The following MAP3K10 variants were observed in gnomAD, a reference collection of about 807,000 sequenced individuals.
The protein encoded by MAP3K10 is mitogen-activated protein kinase kinase kinase 10, also known as MKN28 derived nonreceptor_type serine/threonine kinase.
In MAP3K10, 22 loss-of-function variants were observed where a neutral mutation model predicts 75.0. The ratio of observed to expected loss-of-function variants is 0.29; its 90% CI spans 0.21 to 0.42. The LOEUF (loss-of-function observed/expected upper bound fraction) is 0.42, where lower values mean the gene tolerates loss of function less well. Ranked by LOEUF, MAP3K10 falls within the 10% of genes least tolerant of loss-of-function variation. MAP3K10 has a pLI of 1.00. For synonymous variants in MAP3K10, 599 were observed against 612.9 expected (o/e 0.98, Z 0.34); for missense variants, 1,165 against 1,379.8 (o/e 0.84, Z 2.47).
In MAP3K10 at chr19:40,192,043, G is replaced by T; in HGVS notation, c.12G>T (p.Glu4Asp). The change falls in exon 1 of 10, where the codon GAG (glutamate) becomes GAT (aspartate). Residue 4 changes from glutamate to aspartate, a missense_variant. Transcript: ENST00000253055. The surrounding 1 kb of genome is among the most constrained non-coding windows in gnomAD (Gnocchi z 7.1). MEEEEGAVAKEWGT... is the reference protein window; with the variant it reads MEEDEGAVAKEWGT... ...CCGGCCCCTCCCCCATGGAGGAGGA[G>T]GAGGGGGCGGTGGCCAAGGAGTGGG... 1 of 1,440,640 alleles carries T rather than the reference G, an allele frequency of 6.9e-7. No homozygotes were observed. The allele number at this position is 1,440,640 out of a possible 1,614,324, so 89.2% of individuals were successfully genotyped here.
chr19:40,201,482 C>T (rs951172302), intron 2 of MAP3K10, among the ~76,000 whole-genome samples: 3 of 145,720 alleles, frequency 2.1e-5, no homozygotes, highest in East Asian at 4.0e-4. Context: ...CGTCAGCCAC[C>T]GCACCCAGCC....
Position 40,205,410 on chromosome 19 carries a change from A to G in MAP3K10, c.1188+114A>G. On this transcript the variant is annotated intron_variant, in intron 4 of 9. Transcript: ENST00000253055. This position sits in a 1 kb window ranked among gnomAD's most constrained non-coding sequence, Gnocchi z 4.3. ...CAGCCTTTGGGTCCATGCAGGGTCA[A>G]GGGAGCCTTTTTTGCATATTAAGAA... is the stretch of plus-strand genomic sequence containing the variant. The G allele has an allele frequency of 8.7e-7, 1 of 1,148,964 alleles. No homozygotes were observed. Among genetic ancestry groups the G allele is most frequent in the South Asian group, 1.6e-5 (1 of 63,674 alleles). 71.2% of individuals were successfully genotyped at this position (1,148,964 alleles called of 1,614,324 possible).
rs1163732368 is a variant in MAP3K10 at position 40,205,417 on chromosome 19, C to CT, written c.1188+127dup. On this transcript the variant is annotated intron_variant, in intron 4 of 9. Transcript: ENST00000253055. The surrounding 1 kb of genome is among the most constrained non-coding windows in gnomAD (Gnocchi z 4.3). ...TGGGTCCATGCAGGGTCAAGGGAGC[C>CT]TTTTTTGCATATTAAGAAAAGACAG... 2.5e-4 allele frequency: 259 copies of CT among 1,047,508 alleles called. 2 individuals carry two copies. The East Asian group carries it at 6.5e-3, about 26-fold the overall frequency. The allele number at this position is 1,047,508 out of a possible 1,614,324, so 64.9% of individuals were successfully genotyped here.
intron 1 of MAP3K10, among the ~76,000 whole-genome samples, chr19:40,195,059 G>A (rs1972880675): frequency 6.6e-6 from 1 of 152,188 alleles, no homozygotes. Context: ...ATGCCCTGAG[G>A]TGGGAGTGAG....
Position 40,205,967 on chromosome 19 carries a change from GGAGGAGCAGCTGC to G in MAP3K10, c.1247_1259del (p.Glu416GlyfsTer26), listed in dbSNP as rs750419573. The G allele has an allele frequency of 1.2e-6, 2 of 1,608,924 alleles. No homozygotes were observed. Among genetic ancestry groups the G allele is most frequent in the Non-Finnish European group, 1.7e-6 (2 of 1,177,488 alleles). On this transcript the variant is annotated frameshift_variant, in exon 5 of 10. Coordinates refer to ENST00000253055, the MANE Select transcript of MAP3K10 (RefSeq NM_002446.4). LOFTEE classifies it high-confidence loss of function. The surrounding 1 kb of genome is among the most constrained non-coding windows in gnomAD (Gnocchi z 4.3). Reference sequence around the variant, plus strand: ...GGGCGGCACAGGAGCAGCGCTTCCAGGAGGAGCAGCTGCGGCGGCGGGAGCAGGAGCTGGCAGA... The same window carrying G: ...GGGCGGCACAGGAGCAGCGCTTCCAGGGCGGCGGGAGCAGGAGCTGGCAGA...
chr19:40,214,981 C>T lies in MAP3K10; in HGVS notation c.2554C>T (p.Leu852Phe). 2 of 1,567,522 alleles carry T rather than the reference C, an allele frequency of 1.3e-6. No homozygotes were observed. The highest frequency in any genetic ancestry group is 1.7e-6 in the Non-Finnish European group (2 of 1,147,292). Residue 852 changes from leucine to phenylalanine, a missense_variant, in exon 10 of 10, where the codon CTT (leucine) becomes TTT (phenylalanine). Physicochemically the swap from Leu to Phe is conservative, Grantham distance 22 (BLOSUM62 0). Coordinates refer to ENST00000253055, the MANE Select transcript of MAP3K10 (RefSeq NM_002446.4). ...ACCTCTCTTACCAGGCCCTCGTGACCTTCTGGACTTCCCCCGCCTGCCCGA... is the reference window on the plus strand; with the variant it reads ...ACCTCTCTTACCAGGCCCTCGTGACTTTCTGGACTTCCCCCGCCTGCCCGA... ...PAGHGPGPRDLLDFPRLPDPQ... is the reference protein window; with the variant it reads ...PAGHGPGPRDFLDFPRLPDPQ...
At chr19:40,195,461 C>G (rs1287414105) in intron 1 of MAP3K10, among the ~76,000 whole-genome samples, 1 of 143,142 alleles carries the variant, frequency 7.0e-6, no homozygotes, top group Non-Finnish European at 1.5e-5. Context: ...AACACTGAAG[C>G]CCGCCCGGCC....
rs1029247817 is a variant in MAP3K10 at position 40,192,858 on chromosome 19, G to A, written c.682+145G>A. 6.6e-5 allele frequency: 45 copies of A among 678,934 alleles called. No individual in the cohort carries two copies. The highest frequency in any genetic ancestry group is 9.1e-5 in the African/African-American group (5 of 54,862). 42.1% of individuals were successfully genotyped at this position (678,934 alleles called of 1,614,324 possible). ...AGTATGATACCTTCAGGGTGAAGGTGAGGTAGGCCTTGCCTGCCTTAAGGG... is the reference window on the plus strand; with the variant it reads ...AGTATGATACCTTCAGGGTGAAGGTAAGGTAGGCCTTGCCTGCCTTAAGGG... On this transcript the variant is annotated intron_variant, in intron 1 of 9. Transcript: ENST00000253055. The surrounding 1 kb of genome is among the most constrained non-coding windows in gnomAD (Gnocchi z 7.1).
rs1479792449 is a variant in MAP3K10 at position 40,215,171 on chromosome 19, G to A, written c.2744G>A (p.Arg915Lys). The A allele has an allele frequency of 6.2e-7, 1 of 1,604,306 alleles. No homozygotes were observed. The highest frequency in any genetic ancestry group is 8.5e-7 in the Non-Finnish European group (1 of 1,176,296). The part of the protein sequence containing the change: ...GRTLTISPPS[R>K]PDTPESPGPP... ...ACACTCACCATCTCGCCTCCCAGCAGGCCAGACACTCCGGAGAGCCCTGGG... is the reference window on the plus strand; with the variant it reads ...ACACTCACCATCTCGCCTCCCAGCAAGCCAGACACTCCGGAGAGCCCTGGG... Residue 915 changes from arginine to lysine, a missense_variant, in exon 10 of 10, where the codon AGG becomes AAG. This residue lies in a region of MAP3K10 where 590 missense variants were observed against 586.6 expected (regional missense o/e 1.01). Transcript: ENST00000253055.
At position 40,192,599 on chromosome 19, in the gene MAP3K10, C is replaced by T. The variant is rs144372418; in HGVS notation, c.568C>T (p.Arg190Trp). 2 of 1,612,614 alleles carry T rather than the reference C, an allele frequency of 1.2e-6. No homozygotes were observed. The highest frequency in any genetic ancestry group is 1.7e-6 in the Non-Finnish European group (2 of 1,179,574). The change falls in exon 1 of 10, where the codon CGG (arginine) becomes TGG (tryptophan). Residue 190 changes from arginine to tryptophan, a missense_variant. Physicochemically the swap from Arg to Trp is moderately radical, Grantham distance 101. This residue lies in a region of MAP3K10 where 575 missense variants were observed against 793.2 expected (regional missense o/e 0.72). Transcript: ENST00000253055. This position sits in a 1 kb window ranked among gnomAD's most constrained non-coding sequence, Gnocchi z 7.1. ...GALSRVLAGR[R>W]VPPHVLVNWA... ...ACTGAGCAGGGTGCTGGCAGGTCGC[C>T]GGGTGCCACCTCACGTGCTGGTCAA...
chr19:40,204,080 G>A lies in MAP3K10; in HGVS notation c.864-405G>A, dbSNP rs1314761382. On this transcript the variant is annotated intron_variant, in intron 2 of 9. Coordinates refer to ENST00000253055, the MANE Select transcript of MAP3K10 (RefSeq NM_002446.4). This position sits in a 1 kb window ranked among gnomAD's most constrained non-coding sequence, Gnocchi z 4.3. ...GGCCAAGAAGGATGGATTTAGGTGG[G>A]ATGCAGTGGCTCATGCCTGTAATCC... 6.6e-6 allele frequency among the ~76,000 whole-genome samples: 1 copy of A among 152,228 alleles called. No individual in the cohort carries two copies. Among genetic ancestry groups the A allele is most frequent in the African/African-American group, 2.4e-5 (1 of 41,454 alleles).
rs887066770 is a variant in MAP3K10 at position 40,191,781 on chromosome 19, G to T, written c.-251G>T. On this transcript the variant is annotated 5_prime_UTR_variant, in exon 1 of 10. Coordinates refer to ENST00000253055, the MANE Select transcript of MAP3K10 (RefSeq NM_002446.4). ...CCCTCTTAGCCCTCTGCCGTTTGGG[G>T]GGCACGGGTGAACCTGCCGCCCCAC... 2.6e-6 allele frequency: 1 copy of T among 382,570 alleles called. No homozygotes were observed. The highest frequency in any genetic ancestry group is 2.1e-5 in the African/African-American group (1 of 47,490). The allele number at this position is 382,570 out of a possible 1,614,324, so 23.7% of individuals were successfully genotyped here.
chr19:40,213,985 C>T lies in MAP3K10; in HGVS notation c.2306C>T (p.Ala769Val). The T allele has an allele frequency of 6.5e-7, 1 of 1,528,228 alleles. No individual in the cohort carries two copies. Among genetic ancestry groups the T allele is most frequent in the South Asian group, 1.2e-5 (1 of 82,574 alleles). The allele number at this position is 1,528,228 out of a possible 1,614,324, so 94.7% of individuals were successfully genotyped here. ...CTGCTGCGCTCTGACAGTGACGAGGCCGCACCGGCCGCGCCCTCCCCACCA... is the reference window on the plus strand; with the variant it reads ...CTGCTGCGCTCTGACAGTGACGAGGTCGCACCGGCCGCGCCCTCCCCACCA... Reference protein sequence around the residue: ...RSLLRSDSDEAAPAAPSPPPS... With the variant: ...RSLLRSDSDEVAPAAPSPPPS... The change falls in exon 9 of 10, where the codon GCC becomes GTC. Residue 769 changes from alanine (A) to valine (V), a missense_variant. Ala to Val is a moderately conservative substitution (Grantham distance 64). Around this residue, in one of 2 missense-constraint regions of MAP3K10, gnomAD observed 590 missense variants for 586.6 expected, o/e 1.01. Transcript: ENST00000253055. The surrounding 1 kb of genome is among the most constrained non-coding windows in gnomAD (Gnocchi z 5.7).
At chr19:40,201,616 T>C (rs1273973054) in intron 2 of MAP3K10, among the ~76,000 whole-genome samples, 2 of 149,198 alleles carry the variant, frequency 1.3e-5, no homozygotes, top group Non-Finnish European at 3.0e-5. Context: ...CCTCAGCCTC[T>C]CTAGTAGCTG....
chr19:40,194,823 C>T (rs1046775659), intron 1 of MAP3K10, among the ~76,000 whole-genome samples: 2 of 152,192 alleles, frequency 1.3e-5, no homozygotes, highest in Non-Finnish European at 2.9e-5. Context: ...ATTTCTCCCT[C>T]CCCCAGCTAT....
chr19:40,208,345 C>CTTTCTTTTT (rs1555756622), intron 5 of MAP3K10, among the ~76,000 whole-genome samples: 35 of 55,896 alleles, frequency 6.3e-4, no homozygotes, highest in Non-Finnish European at 9.7e-4. Context: ...CTCTTTCTTT[C>CTTTCTTTTT]TTTTTTTTTT....
chr19:40,211,439 G>A (rs997655521), intron 6 of MAP3K10, among the ~76,000 whole-genome samples: 4 of 150,920 alleles, frequency 2.7e-5, no homozygotes, highest in Non-Finnish European at 4.4e-5. Flanking sequence ...ATAGGTAAAC[G>A]TGTGCCATGG....
intron 1 of MAP3K10, among the ~76,000 whole-genome samples, chr19:40,193,697 G>T (rs953450812): frequency 6.6e-6 from 1 of 152,036 alleles, no homozygotes; most frequent in Non-Finnish European, 1.5e-5. Context: ...TTACATTCCT[G>T]GCTCTCCCAT....
chr19:40,213,817 G>T lies in MAP3K10; in HGVS notation c.2138G>T (p.Arg713Leu), dbSNP rs2145099984. 1.5e-6 allele frequency: 2 copies of T among 1,297,954 alleles called. No homozygotes were observed. The highest frequency in any genetic ancestry group is 1.7e-5 in the South Asian group (1 of 57,270). 80.4% of individuals were successfully genotyped at this position (1,297,954 alleles called of 1,614,324 possible). A position where few individuals can be genotyped will look rare whatever the true frequency, so the allele number is the denominator to read the frequency against. ...RRWLDGLFFP[R>L]AGRFPRGLSP... ...TGGCTCGACGGCCTCTTCTTTCCCC[G>T]CGCCGGCCGCTTCCCGCGGGGCCTC... Residue 713 changes from arginine (R) to leucine (L), a missense_variant, in exon 9 of 10, where the codon CGC becomes CTC. By Grantham distance (102) the Arg-to-Leu change is moderately radical. Around this residue, in one of 2 missense-constraint regions of MAP3K10, gnomAD observed 590 missense variants for 586.6 expected, o/e 1.01. Coordinates refer to ENST00000253055, the MANE Select transcript of MAP3K10 (RefSeq NM_002446.4). This position sits in a 1 kb window ranked among gnomAD's most constrained non-coding sequence, Gnocchi z 5.7.
Sources: gnomAD v4.1 joint callset for allele counts (sites outside exome capture counted in the v4.1 genomes callset) on GRCh38, gnomAD v4.1.1 for gene constraint, gnomAD v4.1.1 regional missense constraint, Gnocchi (gnomAD v3.1) non-coding constraint, MANE v1.5 for transcripts, NCBI Gene and HGNC (gene_info 2026-07-23, HGNC 2026-07-21) for gene names.